DPYD: variants seen among roughly 807,000 people sequenced by gnomAD.
DPYD encodes the protein dihydropyrimidine dehydrogenase [NADP(+)].
Under a neutral mutation model 116.2 loss-of-function variants are expected in DPYD, and 109 were observed. The ratio of observed to expected loss-of-function variants is 0.94; its 90% CI spans 0.80 to 1.10. The LOEUF is 1.10. Ranked by LOEUF, DPYD falls within the 50% of genes least tolerant of loss-of-function variation. The pLI, the probability that DPYD is intolerant of heterozygous loss-of-function variation, is 0.00. For synonymous variants in DPYD, 440 were observed against 432.0 expected, an observed-to-expected ratio of 1.02 and a Z score of -0.23; for missense variants, 1,302 against 1,254.5, an observed-to-expected ratio of 1.04 and a Z score of -0.57.
At chr1:97,850,121 G>C (rs1670500005) in intron 2 of DPYD, among the ~76,000 whole-genome samples, 1 of 152,202 alleles carries the variant, frequency 6.6e-6, no homozygotes, top group Admixed American at 6.5e-5. Flanking sequence ...ATTCTCCACA[G>C]CTAAAATTGC....
At chr1:97,763,538 G>A (rs1286705779) in intron 3 of DPYD, among the ~76,000 whole-genome samples, 1 of 151,800 alleles carries the variant, frequency 6.6e-6, no homozygotes, top group Non-Finnish European at 1.5e-5. Flanking sequence ...CCTCCATCAA[G>A]AAAGGAAAAT....
intron 16 of DPYD, among the ~76,000 whole-genome samples, chr1:97,359,385 T>G (rs975107758): frequency 4.6e-5 from 7 of 152,128 alleles, no homozygotes; most frequent in Admixed American, 3.9e-4. Context: ...AAAACACTCT[T>G]CAGGATATTT....
At chr1:97,693,183 T>G (rs1458950788) in intron 6 of DPYD, among the ~76,000 whole-genome samples, 3 of 147,342 alleles carry the variant, frequency 2.0e-5, no homozygotes, top group Non-Finnish European at 4.4e-5. Flanking sequence ...CCCAGCTACT[T>G]GGAAGGCTGA....
chr1:97,484,245 A>C (rs1259286052), intron 13 of DPYD, among the ~76,000 whole-genome samples: 1 of 152,210 alleles, frequency 6.6e-6, no homozygotes, highest in Non-Finnish European at 1.5e-5. Context: ...TGGAGGTTGC[A>C]GTGAGCGGAG....
chr1:97,445,197 A>G (rs1676009315), intron 14 of DPYD, among the ~76,000 whole-genome samples: 1 of 152,208 alleles, frequency 6.6e-6, no homozygotes, highest in Admixed American at 6.5e-5. Flanking sequence ...ATTGGACAAG[A>G]GATGGATTTT....
At chr1:97,751,452 G>GTATA (rs1557933124) in intron 3 of DPYD, among the ~76,000 whole-genome samples, 6 of 33,148 alleles carry the variant, frequency 1.8e-4, no homozygotes, top group African/African-American at 3.1e-4. Context: ...GTGTGTGTGT[G>GTATA]TGTGTGTGTA....
chr1:97,580,876 C>T (rs141484145), intron 10 of DPYD, among the ~76,000 whole-genome samples: 44 of 152,246 alleles, frequency 2.9e-4, no homozygotes, highest in African/African-American at 9.4e-4. Flanking sequence ...TCTACTAACC[C>T]GCAACCTACT....
intron 18 of DPYD, among the ~76,000 whole-genome samples, chr1:97,288,186 C>G (rs1459881612): frequency 1.3e-5 from 2 of 150,992 alleles, no homozygotes; most frequent in African/African-American, 2.4e-5. Flanking sequence ...ATTCATAAAG[C>G]AAGTCCTGAG....
chr1:97,685,360 T>G (rs1344161838), intron 7 of DPYD, among the ~76,000 whole-genome samples: 2 of 152,066 alleles, frequency 1.3e-5, no homozygotes, highest in Non-Finnish European at 2.9e-5. Context: ...ATAAAAGCCA[T>G]TTACAATAAA....
intron 18 of DPYD, among the ~76,000 whole-genome samples, chr1:97,300,352 A>T (rs1666788245): frequency 6.6e-6 from 1 of 152,164 alleles, no homozygotes; most frequent in Non-Finnish European, 1.5e-5. Context: ...ATCGATCAAG[A>T]TGATTACAAT....
intron 20 of DPYD, among the ~76,000 whole-genome samples, chr1:97,172,681 T>C (rs1267980603): frequency 1.3e-5 from 2 of 152,168 alleles, no homozygotes; most frequent in Non-Finnish European, 2.9e-5. Context: ...AAAGATTTGA[T>C]AGGATTTATG....
intron 10 of DPYD, among the ~76,000 whole-genome samples, chr1:97,587,253 G>C (rs1654190951): frequency 6.6e-6 from 1 of 152,094 alleles, no homozygotes; most frequent in Non-Finnish European, 1.5e-5. Flanking sequence ...CCTAACTACT[G>C]TTAATTAGCT....
At chr1:97,643,339 C>T (rs949887499) in intron 8 of DPYD, among the ~76,000 whole-genome samples, 3 of 152,166 alleles carry the variant, frequency 2.0e-5, no homozygotes, top group Non-Finnish European at 4.4e-5. Context: ...AAAAAAAGCT[C>T]ATCATCCCTG....
At chr1:97,453,443 A>G (rs1249393958) in intron 13 of DPYD, among the ~76,000 whole-genome samples, 2 of 152,116 alleles carry the variant, frequency 1.3e-5, no homozygotes, top group Non-Finnish European at 2.9e-5. Flanking sequence ...AATTTTTAAA[A>G]TATCATAGAA....
chr1:97,345,741 G>T (rs184723931), intron 16 of DPYD, among the ~76,000 whole-genome samples: 2 of 152,046 alleles, frequency 1.3e-5, no homozygotes, highest in East Asian at 3.9e-4. Context: ...AAGACAAAAT[G>T]AGTGCAAAGT....
At chr1:97,529,922 CTCTT>C (rs1297618268) in intron 12 of DPYD, among the ~76,000 whole-genome samples, 2 of 140,862 alleles carry the variant, frequency 1.4e-5, no homozygotes, top group Non-Finnish European at 3.1e-5. Flanking sequence ...TCTTTTCTTT[CTCTT>C]TCTTTCCTTC....
At chr1:97,788,441 C>G (rs911840755) in intron 3 of DPYD, among the ~76,000 whole-genome samples, 6 of 152,182 alleles carry the variant, frequency 3.9e-5, no homozygotes, top group East Asian at 3.8e-4. Context: ...CAACTGTCAA[C>G]TACATGAGAG....
At chr1:97,722,079 C>T (rs898037845) in intron 4 of DPYD, among the ~76,000 whole-genome samples, 17 of 151,732 alleles carry the variant, frequency 1.1e-4, no homozygotes, top group Admixed American at 1.1e-3. Flanking sequence ...AATGGTTATA[C>T]TCAGGTTATC....
chr1:97,823,665 C>T (rs1325592880), intron 3 of DPYD, among the ~76,000 whole-genome samples: 4 of 151,864 alleles, frequency 2.6e-5, no homozygotes, highest in Non-Finnish European at 4.4e-5. Flanking sequence ...TTGCAAATGA[C>T]GGAAGCTTTT....
Sources: gnomAD v4.1 joint callset for allele counts (sites outside exome capture counted in the v4.1 genomes callset) on GRCh38, gnomAD v4.1.1 for gene constraint, MANE v1.5 for transcripts, NCBI Gene and HGNC (gene_info 2026-07-23, HGNC 2026-07-21) for gene names.